USO1: variants seen among roughly 807,000 people sequenced by gnomAD.
The protein encoded by USO1 is USO1 vesicle transport factor, also known as general vesicular transport factor p115.
A neutral mutation model predicts 124.5 loss-of-function variants in USO1; 57 were observed. The ratio of observed to expected loss-of-function variants is 0.46; its 90% confidence interval spans 0.37 to 0.57. USO1 has a LOEUF of 0.57. USO1 is among the 20% of genes least tolerant of loss of function. The pLI is 0.00. For synonymous variants in USO1, 369 were observed against 362.8 expected (o/e 1.02, Z -0.19); for missense variants, 900 against 1,040.6 (o/e 0.86, Z 1.86).
At chr4:75,801,839 G>C (rs1175629805) in intron 17 of USO1, among the ~76,000 whole-genome samples, 2 of 152,134 alleles carry the variant, frequency 1.3e-5, no homozygotes, top group African/African-American at 4.8e-5. Context: ...TTTTTGTTTA[G>C]ACAGAGTCTT....
chr4:75,810,794 G>A (rs1723127280), intron 22 of USO1, among the ~76,000 whole-genome samples: 1 of 152,046 alleles, frequency 6.6e-6, no homozygotes, highest in South Asian at 2.1e-4. Context: ...ACAGTGGCGC[G>A]ATCTCGGCTC....
intron 16 of USO1, 63 bp downstream of exon 16, chr4:75,800,862 T>A: frequency 6.5e-7 from 1 of 1,539,874 alleles, no homozygotes; most frequent in Non-Finnish European, 8.8e-7. Flanking sequence ...TGTACATGTA[T>A]ATTCTGGATG....
intron 1 of USO1, among the ~76,000 whole-genome samples, chr4:75,746,690 TC>T (rs1721135891): frequency 6.6e-6 from 1 of 152,192 alleles, no homozygotes; most frequent in Non-Finnish European, 1.5e-5. Context: ...TTCAGAAACT[TC>T]AACTATCTGG....
chr4:75,735,841 T>C (rs1382850256), intron 1 of USO1, among the ~76,000 whole-genome samples: 3 of 152,148 alleles, frequency 2.0e-5, no homozygotes, highest in Non-Finnish European at 4.4e-5. Context: ...CTCATCTCAG[T>C]TTTTTCTTTC....
chr4:75,747,463 T>G (rs541059813), intron 1 of USO1, among the ~76,000 whole-genome samples: 4 of 152,180 alleles, frequency 2.6e-5, no homozygotes, highest in Admixed American at 6.5e-5. Flanking sequence ...TCTGTAGAGA[T>G]GGGATCTCAC....
chr4:75,779,948 A>G (rs324703), intron 8 of USO1, among the ~76,000 whole-genome samples: 98,471 of 152,040 alleles, frequency 0.65, 34,071 homozygotes, highest in East Asian at 0.91. Flanking sequence ...TCTTGTTAAG[A>G]GCTAATGCAC....
rs531639668 is a variant in USO1 at position 75,779,711 on chromosome 4, A to G, written c.677-2969A>G. 2.6e-5 allele frequency among the ~76,000 whole-genome samples: 4 copies of G among 152,374 alleles called. No homozygotes were observed. The East Asian group carries it at 7.7e-4, about 29-fold the overall frequency. On this transcript the variant is annotated intron_variant, in intron 8 of 23. Coordinates refer to ENST00000514213, the MANE Select transcript of USO1 (RefSeq NM_003715.4). ...AGCAGATGTTGCTGCGTGAGATCTAAGGAAAGAAGCTGTCTCCCTAACAAA... is the reference window on the plus strand; with the variant it reads ...AGCAGATGTTGCTGCGTGAGATCTAGGGAAAGAAGCTGTCTCCCTAACAAA...
intron 12 of USO1, among the ~76,000 whole-genome samples, chr4:75,792,022 CTTT>C (rs35321728): frequency 1.5e-5 from 2 of 136,590 alleles, no homozygotes; most frequent in African/African-American, 2.7e-5. Context: ...TGAAATGCTT[CTTT>C]TTTTTTTTTT....
At chr4:75,783,270 A>G (rs1377290962) in intron 9 of USO1, among the ~76,000 whole-genome samples, 2 of 152,220 alleles carry the variant, frequency 1.3e-5, no homozygotes, top group Non-Finnish European at 2.9e-5. Flanking sequence ...TTCAGTAAGC[A>G]TTTACTGAGA....
intron 13 of USO1, among the ~76,000 whole-genome samples, chr4:75,796,104 A>T (rs1377391454): frequency 1.3e-5 from 2 of 152,178 alleles, no homozygotes; most frequent in African/African-American, 4.8e-5. Flanking sequence ...TTACACACAC[A>T]CATACATATT....
chr4:75,775,355 A>G (rs1183518332), intron 8 of USO1, among the ~76,000 whole-genome samples: 3 of 152,158 alleles, frequency 2.0e-5, no homozygotes, highest in Admixed American at 6.5e-5. Context: ...TCGGGCCAAC[A>G]TGGCAAAACC....
At chr4:75,780,864 C>T (rs1171959438) in intron 8 of USO1, among the ~76,000 whole-genome samples, 2 of 151,526 alleles carry the variant, frequency 1.3e-5, no homozygotes, top group Non-Finnish European at 2.9e-5. Flanking sequence ...CCAGGCTGGC[C>T]TTGAACTCCT....
At position 75,780,712 on chromosome 4, in the gene USO1, A is replaced by G. The variant is rs1054864214; in HGVS notation, c.677-1968A>G. 4.5e-5 allele frequency among the ~76,000 whole-genome samples: 6 copies of G among 133,482 alleles called. No homozygotes were observed. The East Asian group carries it at 1.4e-3, about 30-fold the overall frequency. 87.6% of individuals were successfully genotyped at this position (133,482 alleles called of 152,430 possible). A position where few individuals can be genotyped will look rare whatever the true frequency, so the allele number is the denominator to read the frequency against. On this transcript the variant is annotated intron_variant, in intron 8 of 23. Transcript: ENST00000514213. ...CCCCAGGCTGGAATGCAGTGGTACA[A>G]TCTCGGCTCATTGCAGCCTCTGCCT...
chr4:75,802,969 A>G (rs1267514642), intron 17 of USO1, among the ~76,000 whole-genome samples: 1 of 150,424 alleles, frequency 6.6e-6, no homozygotes, highest in Non-Finnish European at 1.5e-5. Flanking sequence ...CTATAATCCC[A>G]GCTACTCAGG....
chr4:75,781,245 G>C (rs990630860), intron 8 of USO1, among the ~76,000 whole-genome samples: 1 of 152,152 alleles, frequency 6.6e-6, no homozygotes, highest in Non-Finnish European at 1.5e-5. Flanking sequence ...TAGAAGTGGA[G>C]CCTGAAAATG....
chr4:75,744,447 T>C (rs1269787873), intron 1 of USO1, among the ~76,000 whole-genome samples: 1 of 152,128 alleles, frequency 6.6e-6, no homozygotes, highest in African/African-American at 2.4e-5. Flanking sequence ...TGAGACGGAG[T>C]CTCACTCTGT....
At position 75,812,386 on chromosome 4, in the gene USO1, A is replaced by C. The variant is rs777012710; in HGVS notation, c.2799+11A>C. 1 of 1,554,658 alleles carries C rather than the reference A, an allele frequency of 6.4e-7. No individual in the cohort carries two copies. Among genetic ancestry groups the C allele is most frequent in the Non-Finnish European group, 8.7e-7 (1 of 1,152,932 alleles). On this transcript the variant is annotated intron_variant, in intron 23 of 23. Coordinates refer to ENST00000514213, the MANE Select transcript of USO1 (RefSeq NM_003715.4). ...GATCTTGGTCATCCAGTAAGATTAAAATGTCTCCAAAAATGATTTGTATTA... is the reference window on the plus strand; with the variant it reads ...GATCTTGGTCATCCAGTAAGATTAACATGTCTCCAAAAATGATTTGTATTA...
intron 1 of USO1, 43 bp from the exon 2 acceptor site, chr4:75,752,330 G>T (rs1370875106): frequency 1.8e-5 from 7 of 396,926 alleles, no homozygotes; most frequent in South Asian, 1.3e-4. Context: ...AAATTTCACG[G>T]TTTTTTTTAT....
intron 1 of USO1, among the ~76,000 whole-genome samples, chr4:75,749,535 A>G (rs1034878324): frequency 8.0e-5 from 12 of 150,410 alleles, no homozygotes; most frequent in African/African-American, 2.0e-4. Flanking sequence ...CTGAGTAGCT[A>G]TGACTACAGG....
Sources: gnomAD v4.1 joint callset for allele counts (sites outside exome capture counted in the v4.1 genomes callset) on GRCh38, gnomAD v4.1.1 for gene constraint, MANE v1.5 for transcripts, NCBI Gene and HGNC (gene_info 2026-07-23, HGNC 2026-07-21) for gene names.